The following PPFIBP1 variants were observed in gnomAD, a reference collection of about 807,000 sequenced individuals.
PPFIBP1 encodes the protein PPFIB scaffold protein 1.
Under a neutral mutation model 137.8 loss-of-function variants are expected in PPFIBP1, and 112 were observed. That is an observed-to-expected ratio of 0.81 (90% CI 0.70 to 0.95). PPFIBP1 has a LOEUF of 0.95. Ranked by LOEUF, PPFIBP1 falls within the 40% of genes least tolerant of loss-of-function variation. The pLI, the probability that PPFIBP1 is intolerant of heterozygous loss-of-function variation, is 0.00. For missense variants in PPFIBP1, 1,083 were observed against 1,196.6 expected (o/e 0.91, Z 1.40); for synonymous variants, 378 against 417.3 (o/e 0.91, Z 1.15).
At chr12:27,616,505 G>A (rs899583077) in intron 2 of PPFIBP1, among the ~76,000 whole-genome samples, 17 of 152,144 alleles carry the variant, frequency 1.1e-4, no homozygotes, top group Non-Finnish European at 2.2e-4. Flanking sequence ...GCACTGGATC[G>A]TAACACAGGA....
chr12:27,591,095 C>CTT (rs557807878), intron 2 of PPFIBP1, among the ~76,000 whole-genome samples: 2 of 143,480 alleles, frequency 1.4e-5, no homozygotes, highest in African/African-American at 5.1e-5. Context: ...AAGATCAAGA[C>CTT]TTTTTTTTTT....
chr12:27,672,086 AAAG>A (rs1363332720), intron 14 of PPFIBP1, among the ~76,000 whole-genome samples: 1 of 152,124 alleles, frequency 6.6e-6, no homozygotes, highest in Non-Finnish European at 1.5e-5. Context: ...GAAAAAAAAA[AAAG>A]TTTAGGGAAC....
At chr12:27,635,779 C>G (rs557233109) in intron 4 of PPFIBP1, 1 of 152,108 alleles carries the variant, frequency 6.6e-6, no homozygotes, top group African/African-American at 2.4e-5. Context: ...ACAATGAGGC[C>G]GCTTTCTAGG....
intron 1 of PPFIBP1, among the ~76,000 whole-genome samples, chr12:27,568,944 T>C (rs2049914635): frequency 6.6e-6 from 1 of 152,212 alleles, no homozygotes; most frequent in Non-Finnish European, 1.5e-5. Flanking sequence ...GTCTTCTGAA[T>C]TCTCTGTTAC....
intron 2 of PPFIBP1, among the ~76,000 whole-genome samples, chr12:27,626,964 A>T (rs1005145383): frequency 2.3e-4 from 35 of 152,224 alleles, no homozygotes; most frequent in African/African-American, 8.4e-4. Context: ...GTTTTGTTTT[A>T]AATTAATTTT....
chr12:27,688,787 G>A (rs1286096154), intron 26 of PPFIBP1, among the ~76,000 whole-genome samples: 1 of 152,180 alleles, frequency 6.6e-6, no homozygotes, highest in Non-Finnish European at 1.5e-5. Flanking sequence ...ATATTGGGAT[G>A]CCTGAAGCCT....
intron 1 of PPFIBP1, among the ~76,000 whole-genome samples, chr12:27,562,007 C>G (rs1038075809): frequency 2.0e-5 from 3 of 152,012 alleles, no homozygotes; most frequent in Admixed American, 1.3e-4. Context: ...CCGTGATTGC[C>G]ACAGCACTCC....
At chr12:27,670,746 T>C (rs562683329) in intron 13 of PPFIBP1, among the ~76,000 whole-genome samples, 3 of 147,026 alleles carry the variant, frequency 2.0e-5, no homozygotes, top group African/African-American at 7.5e-5. Context: ...AGCACTGTAC[T>C]TTAGTGTGGA....
intron 2 of PPFIBP1, among the ~76,000 whole-genome samples, chr12:27,606,329 G>A (rs1291987155): frequency 2.9e-5 from 1 of 34,226 alleles, no homozygotes; most frequent in African/African-American, 9.6e-5. Flanking sequence ...GGGGTATGGG[G>A]GAGGATGAGT....
chr12:27,560,475 A>T (rs1332244802), intron 1 of PPFIBP1, among the ~76,000 whole-genome samples: 2 of 152,246 alleles, frequency 1.3e-5, no homozygotes, highest in Admixed American at 6.5e-5. Flanking sequence ...GGAAAAGCTC[A>T]GGTGAACACA....
At chr12:27,645,152 T>C (rs2058383216) in intron 4 of PPFIBP1, among the ~76,000 whole-genome samples, 1 of 152,238 alleles carries the variant, frequency 6.6e-6, no homozygotes, top group African/African-American at 2.4e-5. Flanking sequence ...TCTAACACTT[T>C]CGGATTTCAG....
At chr12:27,675,581 G>C (rs2060467054) in intron 17 of PPFIBP1, among the ~76,000 whole-genome samples, 1 of 152,150 alleles carries the variant, frequency 6.6e-6, no homozygotes, top group African/African-American at 2.4e-5. Flanking sequence ...TTGTATAAAG[G>C]ACACCCACTT....
At chr12:27,539,770 G>C (rs768219731) in intron 1 of PPFIBP1, among the ~76,000 whole-genome samples, 15 of 152,100 alleles carry the variant, frequency 9.9e-5, no homozygotes, top group Middle Eastern at 3.4e-3. Context: ...AGAAAAAATA[G>C]AGAAGACACA....
chr12:27,554,562 T>C (rs1947090979), intron 1 of PPFIBP1, among the ~76,000 whole-genome samples: 1 of 152,194 alleles, frequency 6.6e-6, no homozygotes, highest in African/African-American at 2.4e-5. Flanking sequence ...GCTGTGAATA[T>C]ACTTGAAAAA....
intron 1 of PPFIBP1, among the ~76,000 whole-genome samples, chr12:27,537,424 C>G (rs764098808): frequency 6.6e-6 from 1 of 152,288 alleles, no homozygotes; most frequent in South Asian, 2.1e-4. Context: ...AGCCACCGCG[C>G]CCGGCCCCCC....
chr12:27,622,639 G>T (rs1019463344), intron 2 of PPFIBP1, among the ~76,000 whole-genome samples: 1 of 152,134 alleles, frequency 6.6e-6, no homozygotes, highest in Non-Finnish European at 1.5e-5. Flanking sequence ...ACACACACAC[G>T]CACATACTCT....
intron 2 of PPFIBP1, among the ~76,000 whole-genome samples, chr12:27,624,104 T>C (rs144810401): frequency 1.3e-5 from 2 of 152,078 alleles, no homozygotes; most frequent in East Asian, 3.9e-4. Flanking sequence ...GGGGGATCAG[T>C]GCATGTCATG....
rs149811031 is a variant in PPFIBP1 at position 27,538,706 on chromosome 12, T to C, written c.-124+14341T>C. Among the ~76,000 whole-genome samples the C allele has an allele frequency of 3.0e-3, 464 of 152,316 alleles. 2 individuals carry two copies. Among genetic ancestry groups the C allele is most frequent in the African/African-American group, 0.011 (437 of 41,572 alleles). The stretch of plus-strand genomic sequence containing the variant: ...TGCATTAGGCCTATACCAGGCTCCA[T>C]GGAGATGCAAAGATGCCCCAGCTAG... On this transcript the variant is annotated intron_variant, in intron 1 of 29. Transcript: ENST00000228425.
rs2059231365 is a variant in PPFIBP1 at position 27,656,854 on chromosome 12, G to A, written c.811+124G>A. The A allele has an allele frequency of 4.6e-6, 3 of 649,016 alleles. No individual in the cohort carries two copies. The South Asian group carries it at 5.6e-5, about 12-fold the overall frequency. 40.2% of individuals were successfully genotyped at this position (649,016 alleles called of 1,614,324 possible). A position where few individuals can be genotyped will look rare whatever the true frequency, so the allele number is the denominator to read the frequency against. On this transcript the variant is annotated intron_variant, in intron 9 of 29. Transcript: ENST00000228425. ...AAGAAAGAGCAGCAGAATCCAGCCA[G>A]GACCAGAACCACAGGGGATTCTCCA... is the stretch of plus-strand genomic sequence containing the variant.
Sources: gnomAD v4.1 joint callset for allele counts (sites outside exome capture counted in the v4.1 genomes callset) on GRCh38, gnomAD v4.1.1 for gene constraint, MANE v1.5 for transcripts, NCBI Gene and HGNC (gene_info 2026-07-23, HGNC 2026-07-21) for gene names.